Variants in QTMAN observed in about 807,000 individuals in gnomAD.
QTMAN encodes the protein tRNA-queuosine alpha-mannosyltransferase.
At chr2:144,072,910 A>G in the QTMAN span, among the ~76,000 whole-genome samples, 1 of 152,194 alleles carries the variant, frequency 6.6e-6, no homozygotes, top group Admixed American at 6.5e-5. Context: ...TAAGGAGCTT[A>G]AAACTTAGTT....
chr2:144,300,028 T>C, the QTMAN span, among the ~76,000 whole-genome samples: 1 of 152,242 alleles, frequency 6.6e-6, no homozygotes, highest in Admixed American at 6.5e-5. Flanking sequence ...AAATGGCAAA[T>C]GCCGTATGAT....
At chr2:144,036,017 G>A in the QTMAN span, among the ~76,000 whole-genome samples, 1 of 152,130 alleles carries the variant, frequency 6.6e-6, no homozygotes, top group Non-Finnish European at 1.5e-5. Context: ...CTGGTTGGTG[G>A]AAATCCCTCT....
chr2:144,035,143 C>T, the QTMAN span, among the ~76,000 whole-genome samples: 1 of 152,132 alleles, frequency 6.6e-6, no homozygotes, highest in Admixed American at 6.6e-5. Flanking sequence ...AGTTCTTGTC[C>T]TACTTGGTCA....
At chr2:144,174,676 T>C in the QTMAN span, among the ~76,000 whole-genome samples, 1 of 152,138 alleles carries the variant, frequency 6.6e-6, no homozygotes, top group African/African-American at 2.4e-5. Flanking sequence ...GCTATTCTCA[T>C]GACAGTGAAT....
the QTMAN span, among the ~76,000 whole-genome samples, chr2:144,118,575 G>T: frequency 6.6e-6 from 1 of 152,172 alleles, no homozygotes; most frequent in African/African-American, 2.4e-5. Flanking sequence ...TGTTGAATTT[G>T]CATTAGCCAT....
At chr2:143,990,674 A>T in the QTMAN span, among the ~76,000 whole-genome samples, 1 of 152,200 alleles carries the variant, frequency 6.6e-6, no homozygotes, top group Non-Finnish European at 1.5e-5. Flanking sequence ...GGAGAAATCC[A>T]GATACAATTC....
the QTMAN span, among the ~76,000 whole-genome samples, chr2:144,080,379 A>G: frequency 6.6e-6 from 1 of 152,154 alleles, no homozygotes; most frequent in Non-Finnish European, 1.5e-5. Context: ...ATAACTCCAA[A>G]GAAGATCCAT....
the QTMAN span, among the ~76,000 whole-genome samples, chr2:144,056,712 G>T: frequency 6.6e-6 from 1 of 152,290 alleles, no homozygotes; most frequent in East Asian, 1.9e-4. Context: ...CTAGCAGACT[G>T]AGTCACACAA....
At chr2:143,953,483 A>G in the QTMAN span, among the ~76,000 whole-genome samples, 1 of 151,870 alleles carries the variant, frequency 6.6e-6, no homozygotes, top group South Asian at 2.1e-4. Flanking sequence ...CCATTTTATC[A>G]GCAAAGAATG....
At chr2:144,068,055 T>G in the QTMAN span, among the ~76,000 whole-genome samples, 1 of 152,230 alleles carries the variant, frequency 6.6e-6, no homozygotes, top group Non-Finnish European at 1.5e-5. Flanking sequence ...AATATGATGG[T>G]CCCTTAAGAT....
the QTMAN span, among the ~76,000 whole-genome samples, chr2:144,199,449 C>T: frequency 6.6e-6 from 1 of 152,134 alleles, no homozygotes; most frequent in Non-Finnish European, 1.5e-5. Flanking sequence ...CATACATGTC[C>T]TATGTCCCAT....
At chr2:143,976,366 CA>C in the QTMAN span, among the ~76,000 whole-genome samples, 1 of 152,102 alleles carries the variant, frequency 6.6e-6, no homozygotes, top group Non-Finnish European at 1.5e-5. Context: ...ATGGTCTCTC[CA>C]AAACAATGGT....
the QTMAN span, among the ~76,000 whole-genome samples, chr2:144,233,630 G>A: frequency 1.3e-5 from 2 of 152,122 alleles, no homozygotes; most frequent in Non-Finnish European, 2.9e-5. Context: ...TGCTAGACTC[G>A]CTCAATTGAG....
the QTMAN span, among the ~76,000 whole-genome samples, chr2:144,157,471 T>C: frequency 6.6e-6 from 1 of 151,916 alleles, no homozygotes; most frequent in African/African-American, 2.4e-5. Flanking sequence ...TCTCTGCTTG[T>C]ACATAACAAT....
chr2:144,188,616 G>C, the QTMAN span, among the ~76,000 whole-genome samples: 1 of 151,674 alleles, frequency 6.6e-6, no homozygotes, highest in Non-Finnish European at 1.5e-5. Context: ...GCATGGATAG[G>C]GATTGAGAAT....
At chr2:144,279,369 G>GC in the QTMAN span, among the ~76,000 whole-genome samples, 1 of 120,272 alleles carries the variant, frequency 8.3e-6, no homozygotes, top group African/African-American at 3.1e-5. Flanking sequence ...TCTCCTCACC[G>GC]CAAGAAAAAA....
At chr2:144,201,826 C>T in the QTMAN span, among the ~76,000 whole-genome samples, 1 of 152,168 alleles carries the variant, frequency 6.6e-6, no homozygotes, top group African/African-American at 2.4e-5. Context: ...CATATTCAAC[C>T]AGGAATTTCT....
chr2:144,162,149 C>T, the QTMAN span, among the ~76,000 whole-genome samples: 4 of 152,252 alleles, frequency 2.6e-5, no homozygotes, highest in African/African-American at 9.6e-5. Context: ...TTATTTTGCT[C>T]TCCTGATTTT....
the QTMAN span, among the ~76,000 whole-genome samples, chr2:144,154,563 A>G: frequency 9.2e-5 from 14 of 152,364 alleles, no homozygotes; most frequent in African/African-American, 3.1e-4. Context: ...GTAACTGAAG[A>G]TTACAGATAA....
Sources: allele counts gnomAD v4.1 joint callset (sites outside exome capture counted in the v4.1 genomes callset), GRCh38; gene constraint gnomAD v4.1.1; transcripts MANE v1.5; gene names NCBI Gene and HGNC (gene_info 2026-07-23, HGNC 2026-07-21).